PKD1L1: variants seen among roughly 807,000 people sequenced by gnomAD.
PKD1L1 encodes polycystin 1 like 1, transient receptor potential channel interacting.
Under a neutral mutation model 323.4 loss-of-function variants are expected in PKD1L1, and 236 were observed. The observed-to-expected ratio is 0.73, with a 90% confidence interval of 0.66 to 0.81. PKD1L1 has a LOEUF of 0.81. Among genes scored for constraint, PKD1L1 ranks in the 40% least tolerant of loss-of-function variants. The probability of loss-of-function intolerance (pLI) is 0.00; values close to 1 mark genes in which losing one functional copy is unlikely to be tolerated. For synonymous variants in PKD1L1, 1,344 were observed against 1,335.0 expected, an observed-to-expected ratio of 1.01 and a Z score of -0.15; for missense variants, 3,320 against 3,508.0, an observed-to-expected ratio of 0.95 and a Z score of 1.35.
At chr7:47,809,844 G>C (rs536112349) in intron 50 of PKD1L1, 1 of 317,718 alleles carries the variant, frequency 3.1e-6, no homozygotes, top group Non-Finnish European at 5.8e-6. Context: ...GGGAAAGCAC[G>C]GAGTATGGGC....
chr7:47,883,465 C>T (rs1239353284), intron 19 of PKD1L1, among the ~76,000 whole-genome samples: 1 of 152,160 alleles, frequency 6.6e-6, no homozygotes. Flanking sequence ...CCGTGGAAAA[C>T]CCAAAAAAAA....
In PKD1L1 at chr7:47,932,062, T is replaced by C. The variant is rs201106567; in HGVS notation, c.399-6A>G. ...TGAAAGGTTTGTGGGGAATTCTGTA[T>C]GGGAAGGAAAGTGCAGAAAGAAAAG... On this transcript the variant is annotated splice_region_variant and splice_polypyrimidine_tract_variant and intron_variant, in intron 4 of 56. Transcript: ENST00000289672. The C allele has an allele frequency of 1.4e-3, 2,241 of 1,602,410 alleles. 2 individuals carry two copies. The highest frequency in any genetic ancestry group is 1.7e-3 in the Non-Finnish European group (2,038 of 1,173,994).
intron 52 of PKD1L1, among the ~76,000 whole-genome samples, chr7:47,806,069 G>A (rs1443453847): frequency 6.6e-6 from 1 of 152,150 alleles, no homozygotes; most frequent in Non-Finnish European, 1.5e-5. Flanking sequence ...AGAAAGATAG[G>A]ACATCAGTGG....
At position 47,853,147 on chromosome 7, in the gene PKD1L1, A is replaced by G. The variant is rs150396842; in HGVS notation, c.4940T>C (p.Ile1647Thr). 3,995 of 1,612,244 alleles carry G rather than the reference A, an allele frequency of 2.5e-3. 15 individuals carry two copies. The Middle Eastern group carries it at 0.027, about 11-fold the overall frequency. ...FWDESIVQIY[I>T]PAASQKDASV... ...CTGACCTTTCTGAGAAGCAGCAGGTATATAAATCTGCACAATTGACTCATC... is the reference window on the plus strand; with the variant it reads ...CTGACCTTTCTGAGAAGCAGCAGGTGTATAAATCTGCACAATTGACTCATC... The change falls in exon 31 of 57, where the codon ATA becomes ACA. Residue 1647 changes from isoleucine to threonine, a missense_variant. Transcript: ENST00000289672.
intron 13 of PKD1L1, among the ~76,000 whole-genome samples, chr7:47,899,888 G>A (rs910339282): frequency 1.4e-5 from 2 of 147,630 alleles, no homozygotes; most frequent in African/African-American, 5.0e-5. Context: ...CCCGGGAGGC[G>A]GAGCTTGCAG....
chr7:47,817,297 GA>G (rs1785040545), intron 46 of PKD1L1, among the ~76,000 whole-genome samples: 2 of 152,144 alleles, frequency 1.3e-5, no homozygotes, highest in African/African-American at 4.8e-5. Flanking sequence ...TTGGCTGGCA[GA>G]TGCTATAAAT....
At chr7:47,871,462 A>G (rs1211399071) in intron 24 of PKD1L1, among the ~76,000 whole-genome samples, 2 of 152,314 alleles carry the variant, frequency 1.3e-5, no homozygotes, top group East Asian at 3.9e-4. Flanking sequence ...CAGAAGGGAC[A>G]GAACGACCAA....
intron 52 of PKD1L1, among the ~76,000 whole-genome samples, chr7:47,805,731 G>GC (rs1408944393): frequency 1.3e-5 from 2 of 152,284 alleles, no homozygotes; most frequent in Admixed American, 1.3e-4. Context: ...TAGGAATGCA[G>GC]TTACCCAGGA....
At chr7:47,922,319 C>T (rs748949625) in intron 7 of PKD1L1, among the ~76,000 whole-genome samples, 254 of 152,370 alleles carry the variant, frequency 1.7e-3, no homozygotes, top group Non-Finnish European at 2.9e-3. Context: ...ATTGCAGCCT[C>T]TGCCCTGCCA....
intron 3 of PKD1L1, among the ~76,000 whole-genome samples, chr7:47,938,049 G>C (rs996109104): frequency 6.6e-6 from 1 of 152,106 alleles, no homozygotes. Flanking sequence ...CTGTGGACAT[G>C]ATTACAAAAA....
chr7:47,864,253 C>T (rs1786098349), intron 26 of PKD1L1, among the ~76,000 whole-genome samples: 2 of 152,162 alleles, frequency 1.3e-5, no homozygotes, highest in South Asian at 4.1e-4. Flanking sequence ...GAAGCCTATG[C>T]AGGGGCTGGA....
rs1162149158 is a variant in PKD1L1 at position 47,797,482 on chromosome 7, G to GGT, written c.8194-1334_8194-1333dup. 4.6e-5 allele frequency among the ~76,000 whole-genome samples: 7 copies of GGT among 152,330 alleles called. No homozygotes were observed. The East Asian group carries it at 5.8e-4, about 13-fold the overall frequency. ...CAGGAGCCTGAAAGGGTAGGCCATT[G>GGT]GTGTGTAGGTCTGAGGCCTCCTGGA... On this transcript the variant is annotated intron_variant, in intron 54 of 56. Coordinates refer to ENST00000289672, the MANE Select transcript of PKD1L1 (RefSeq NM_138295.5).
At chr7:47,880,284 A>AT (rs35198089) in intron 21 of PKD1L1, among the ~76,000 whole-genome samples, 951 of 56,754 alleles carry the variant, frequency 0.017, 43 homozygotes, top group East Asian at 0.031. Flanking sequence ...ATATATATAT[A>AT]TTTTTTTTTT....
At chr7:47,867,818 A>G (rs1051358731) in intron 24 of PKD1L1, among the ~76,000 whole-genome samples, 3 of 152,210 alleles carry the variant, frequency 2.0e-5, no homozygotes, top group Non-Finnish European at 2.9e-5. Context: ...TTATATGTAT[A>G]ATAATTATAA....
At position 47,855,884 on chromosome 7, in the gene PKD1L1, AAAAAAAAAAAAAAAAAG is replaced by A. The variant is rs1454014109; in HGVS notation, c.4591-636_4591-620del. 2.7e-5 allele frequency among the ~76,000 whole-genome samples: 4 copies of A among 149,150 alleles called. 1 individual carries two copies. The highest frequency in any genetic ancestry group is 9.9e-5 in the African/African-American group (4 of 40,498). Reference sequence around the variant, plus strand: ...GAGCGAGACTCCGTCTCAAAAAAAAAAAAAAAAAAAAAAAAAGAAAAGTATATGCAAGAGTGAAGAAT... The same window carrying A: ...GAGCGAGACTCCGTCTCAAAAAAAAAAAAAGTATATGCAAGAGTGAAGAAT... On this transcript the variant is annotated intron_variant, in intron 28 of 56. Coordinates refer to ENST00000289672, the MANE Select transcript of PKD1L1 (RefSeq NM_138295.5).
chr7:47,864,572 TTTCTTTTC>T (rs1786106043), intron 26 of PKD1L1, among the ~76,000 whole-genome samples: 1 of 151,210 alleles, frequency 6.6e-6, no homozygotes, highest in Non-Finnish European at 1.5e-5. Context: ...TTTCTTTTTC[TTTCTTTTC>T]TTTCTTTCTT....
At chr7:47,824,624 T>C (rs867692296) in intron 45 of PKD1L1, among the ~76,000 whole-genome samples, 1 of 152,222 alleles carries the variant, frequency 6.6e-6, no homozygotes, top group African/African-American at 2.4e-5. Flanking sequence ...TAAAGGTGCC[T>C]GGATTGCCTT....
At chr7:47,868,320 G>T (rs892507826) in intron 24 of PKD1L1, among the ~76,000 whole-genome samples, 1 of 152,144 alleles carries the variant, frequency 6.6e-6, no homozygotes, top group African/African-American at 2.4e-5. Context: ...AGTGAGCCAA[G>T]ATTGTGCCAT....
At chr7:47,794,174 A>T (rs1787018904) in intron 55 of PKD1L1, among the ~76,000 whole-genome samples, 1 of 152,210 alleles carries the variant, frequency 6.6e-6, no homozygotes, top group Non-Finnish European at 1.5e-5. Context: ...AATTTGCATA[A>T]GTAGCAAGCA....
Sources: allele counts gnomAD v4.1 joint callset (sites outside exome capture counted in the v4.1 genomes callset), GRCh38; gene constraint gnomAD v4.1.1; transcripts MANE v1.5; gene names NCBI Gene and HGNC (gene_info 2026-07-23, HGNC 2026-07-21).